Variants in ACAD10 observed in about 807,000 individuals in gnomAD.
The protein encoded by ACAD10 is ACAD-10.
Under a neutral mutation model 116.8 loss-of-function variants are expected in ACAD10, and 112 were observed. The ratio of observed to expected loss-of-function variants is 0.96; its 90% CI spans 0.82 to 1.12. The LOEUF (loss-of-function observed/expected upper bound fraction) is 1.12, where lower values mean the gene tolerates loss of function less well. Ranked by LOEUF, ACAD10 falls within the 50% of genes most tolerant of loss-of-function variation. The probability of loss-of-function intolerance (pLI) is 0.00; values close to 1 mark genes in which losing one functional copy is unlikely to be tolerated. For synonymous variants in ACAD10, 486 were observed against 510.6 expected (o/e 0.95, Z 0.65); for missense variants, 1,259 against 1,350.2 (o/e 0.93, Z 1.06).
intron 4 of ACAD10, 62 bp downstream of exon 4, chr12:111,705,994 T>C: frequency 1.3e-6 from 2 of 1,545,220 alleles, no homozygotes; most frequent in Non-Finnish European, 1.8e-6. Context: ...CAGGGTGCAA[T>C]GTTAAATGCT....
In ACAD10 at chr12:111,753,702, A is replaced by ACCAGCCCCCGCCTCTCGTGGCCACCC. The variant is rs1160101031; in HGVS notation, c.2818-62_2818-37dup. The ACCAGCCCCCGCCTCTCGTGGCCACCC allele has an allele frequency of 3.7e-6, 6 of 1,609,302 alleles. No individual in the cohort carries two copies. The African/African-American group carries it at 6.7e-5, about 18-fold the overall frequency. ...CTGCTTCCACCCAGCTCTGCAGGCC[A>ACCAGCCCCCGCCTCTCGTGGCCACCC]CCAGCCCCCGCCTCTCGTGGCCACC... On this transcript the variant is annotated intron_variant, in intron 18 of 20. Coordinates refer to ENST00000313698, the MANE Select transcript of ACAD10 (RefSeq NM_025247.6).
In ACAD10 at chr12:111,753,856, G is replaced by C. The variant is rs374550154; in HGVS notation, c.2902G>C (p.Glu968Gln). 2 of 1,613,720 alleles carry C rather than the reference G, an allele frequency of 1.2e-6. No individual in the cohort carries two copies. The highest frequency in any genetic ancestry group is 1.7e-6 in the Non-Finnish European group (2 of 1,179,886). The change falls in exon 19 of 21, where the codon GAG becomes CAG. Residue 968 changes from glutamate to glutamine, a missense_variant. Glu to Gln is a conservative substitution (Grantham distance 29, BLOSUM62 2). Coordinates refer to ENST00000313698, the MANE Select transcript of ACAD10 (RefSeq NM_025247.6). ...CATCGCGCAGTCGCGCGTGGAGATTGAGCAGGCACGGCTGCTGGTGCTGAG... is the reference window on the plus strand; with the variant it reads ...CATCGCGCAGTCGCGCGTGGAGATTCAGCAGGCACGGCTGCTGGTGCTGAG... ...ADIAQSRVEI[E>Q]QARLLVLRAA...
At position 111,712,676 on chromosome 12, in the gene ACAD10, T is replaced by C; in HGVS notation, c.850+19T>C. The stretch of plus-strand genomic sequence containing the variant: ...ACCACAGGTATGTGGGCTTCTTTCA[T>C]GTTTTGGTAGCTCTCTCCAAGGCGA... On this transcript the variant is annotated intron_variant, in intron 6 of 20. Transcript: ENST00000313698. 1 of 1,611,880 alleles carries C rather than the reference T, an allele frequency of 6.2e-7. No individual in the cohort carries two copies. Among genetic ancestry groups the C allele is most frequent in the East Asian group, 2.2e-5 (1 of 44,866 alleles).
chr12:111,734,225 A>G (rs760928210), intron 11 of ACAD10, among the ~76,000 whole-genome samples, 157 bp downstream of exon 11: 5 of 152,222 alleles, frequency 3.3e-5, no homozygotes, highest in Non-Finnish European at 5.9e-5. Flanking sequence ...GTCCTGTCAC[A>G]TTTACGGGAA....
intron 3 of ACAD10, among the ~76,000 whole-genome samples, chr12:111,702,617 G>A (rs1366659632): frequency 6.6e-6 from 1 of 152,042 alleles, no homozygotes; most frequent in Non-Finnish European, 1.5e-5. Context: ...TGTAATCCCA[G>A]CTATTTGGGA....
At position 111,728,088 on chromosome 12, in the gene ACAD10, C is replaced by T; in HGVS notation, c.1188C>T (p.Cys396=). The change falls in exon 9 of 21, where the codon TGC becomes TGT. Residue 396 remains cysteine (C), a synonymous_variant. Coordinates refer to ENST00000313698, the MANE Select transcript of ACAD10 (RefSeq NM_025247.6). ...ACACTGCCATGAACACAGTCCTGTG[C>T]AAAATTCACAGTGTGGATCTGCAGG... ...AIYTAMNTVL[C]KIHSVDLQAV... The T allele has an allele frequency of 6.2e-7, 1 of 1,613,802 alleles. No individual in the cohort carries two copies. The highest frequency in any genetic ancestry group is 1.1e-5 in the South Asian group (1 of 90,990).
Position 111,749,214 on chromosome 12 carries a change from A to G in ACAD10, c.2686A>G (p.Lys896Glu), listed in dbSNP as rs1890002066. 8.1e-6 allele frequency: 13 copies of G among 1,614,000 alleles called. No individual in the cohort carries two copies. Among genetic ancestry groups the G allele is most frequent in the Non-Finnish European group, 1.0e-5 (12 of 1,179,906 alleles). ...EVRFEHVRVPKENMVLGPGRG... is the reference protein window; with the variant it reads ...EVRFEHVRVPEENMVLGPGRG... ...CCGATTTGAGCACGTGCGTGTGCCC[A>G]AAGAGAACATGGTCCTGGGCCCTGG... The change falls in exon 18 of 21, where the codon AAA becomes GAA. Residue 896 changes from lysine to glutamate, a missense_variant. Transcript: ENST00000313698.
At chr12:111,731,919 T>A (rs1412342101) in intron 10 of ACAD10, among the ~76,000 whole-genome samples, 1 of 151,888 alleles carries the variant, frequency 6.6e-6, no homozygotes, top group Non-Finnish European at 1.5e-5. Context: ...CCCATGTCTA[T>A]TAAAAATATA....
chr12:111,688,499 A>C (rs896009293), intron 1 of ACAD10, among the ~76,000 whole-genome samples: 3 of 151,894 alleles, frequency 2.0e-5, no homozygotes, highest in African/African-American at 7.3e-5. Context: ...CCCATTTCCC[A>C]TTTAGAAAAA....
intron 10 of ACAD10, among the ~76,000 whole-genome samples, chr12:111,730,982 G>C (rs1456566077): frequency 6.6e-6 from 1 of 152,046 alleles, no homozygotes; most frequent in African/African-American, 2.4e-5. Flanking sequence ...TGTGAGATGG[G>C]GTTTCATCAT....
rs750115811 is a variant in ACAD10 at position 111,729,881 on chromosome 12, T to G, written c.1319T>G (p.Met440Arg). 2 of 1,614,104 alleles carry G rather than the reference T, an allele frequency of 1.2e-6. No homozygotes were observed. Among genetic ancestry groups the G allele is most frequent in the Non-Finnish European group, 1.7e-6 (2 of 1,180,030 alleles). The change falls in exon 10 of 21, where the codon ATG becomes AGG. Residue 440 changes from methionine (M) to arginine (R), a missense_variant. Physicochemically the swap from Met to Arg is moderately conservative, Grantham distance 91 (BLOSUM62 -1). Coordinates refer to ENST00000313698, the MANE Select transcript of ACAD10 (RefSeq NM_025247.6). ...RASETSTIPA[M>R]ERLIEWLPLH... The stretch of plus-strand genomic sequence containing the variant: ...TCCGAAACTAGCACCATCCCAGCCA[T>G]GGAGAGGCTGATCGAATGGCTGCCC...
In ACAD10 at chr12:111,715,978, C is replaced by T; in HGVS notation, c.992+16C>T. The T allele has an allele frequency of 6.2e-7, 1 of 1,613,736 alleles. No individual in the cohort carries two copies. The highest frequency in any genetic ancestry group is 8.5e-7 in the Non-Finnish European group (1 of 1,179,780). ...GGGAGTTCAGGTAAGTTTTCAGGGC[C>T]AGGGGAGCACTTGCCCACTAGCCTC... On this transcript the variant is annotated intron_variant, in intron 7 of 20. Transcript: ENST00000313698.
At chr12:111,725,186 A>C (rs1236769656) in intron 8 of ACAD10, among the ~76,000 whole-genome samples, 3 of 152,100 alleles carry the variant, frequency 2.0e-5, no homozygotes, top group African/African-American at 7.2e-5. Context: ...CTTTTGAAAT[A>C]AGTTTCAGAC....
At chr12:111,713,277 C>A (rs925873889) in intron 6 of ACAD10, among the ~76,000 whole-genome samples, 1 of 150,610 alleles carries the variant, frequency 6.6e-6, no homozygotes, top group Non-Finnish European at 1.5e-5. Flanking sequence ...TGCTACTGCA[C>A]TCCAGCCTGG....
At chr12:111,750,115 G>A (rs528186974) in intron 18 of ACAD10, among the ~76,000 whole-genome samples, 4 of 133,364 alleles carry the variant, frequency 3.0e-5, no homozygotes, top group African/African-American at 8.4e-5. Flanking sequence ...TTTTTGAGAC[G>A]GAATCTCACT....
chr12:111,697,336 C>T (rs1353269378), intron 2 of ACAD10, among the ~76,000 whole-genome samples: 11 of 150,998 alleles, frequency 7.3e-5, no homozygotes, highest in African/African-American at 2.7e-4. Context: ...GATGAAAATT[C>T]CATCTTTGTG....
At position 111,744,890 on chromosome 12, in the gene ACAD10, C is replaced by T; in HGVS notation, c.1962C>T (p.Ile654=). 1.2e-6 allele frequency: 2 copies of T among 1,614,202 alleles called. No individual in the cohort carries two copies. Among genetic ancestry groups the T allele is most frequent in the Non-Finnish European group, 1.7e-6 (2 of 1,180,032 alleles). ...PAHTSRGGLV[I]SPESLSPPVR... ...ATACCTCAAGGGGAGGTCTGGTTATCTCTCCAGAGAGCCTCTCTCCACCTG... is the reference window on the plus strand; with the variant it reads ...ATACCTCAAGGGGAGGTCTGGTTATTTCTCCAGAGAGCCTCTCTCCACCTG... Residue 654 remains isoleucine (I), a synonymous_variant, in exon 13 of 21, where the codon ATC becomes ATT. Transcript: ENST00000313698.
rs1889014822 is a variant in ACAD10, at chr12:111,721,588, A to G, written c.993-83A>G. The G allele has an allele frequency of 2.2e-6, 3 of 1,338,550 alleles. No homozygotes were observed. The Admixed American group carries it at 5.9e-5, about 26-fold the overall frequency. The allele number at this position is 1,338,550 out of a possible 1,614,324, so 82.9% of individuals were successfully genotyped here. ...GTCTCAAAAAACAAAACAAACAAACAAACAAAAAACAAAGAAAAGTAACTT... is the reference window on the plus strand; with the variant it reads ...GTCTCAAAAAACAAAACAAACAAACGAACAAAAAACAAAGAAAAGTAACTT... On this transcript the variant is annotated intron_variant, in intron 7 of 20. Transcript: ENST00000313698.
At chr12:111,751,941 C>A (rs748511157) in intron 18 of ACAD10, among the ~76,000 whole-genome samples, 2 of 151,822 alleles carry the variant, frequency 1.3e-5, no homozygotes, top group African/African-American at 4.8e-5. Context: ...GCCTGTAATC[C>A]CAGCTACTTG....
Sources: allele counts gnomAD v4.1 joint callset (sites outside exome capture counted in the v4.1 genomes callset), GRCh38; gene constraint gnomAD v4.1.1; transcripts MANE v1.5; gene names NCBI Gene and HGNC (gene_info 2026-07-23, HGNC 2026-07-21).